Variants in KCNIP1 observed in about 807,000 individuals in gnomAD.
KCNIP1 encodes the protein A-type potassium channel modulatory protein KCNIP1.
A neutral mutation model predicts 33.0 loss-of-function variants in KCNIP1; 18 were observed. The ratio of observed to expected loss-of-function variants is 0.55; its 90% CI spans 0.38 to 0.81. KCNIP1 has a LOEUF of 0.81. KCNIP1 is among the 30% of genes least tolerant of loss of function. The pLI, the probability that KCNIP1 is intolerant of heterozygous loss-of-function variation, is 0.00. For synonymous variants in KCNIP1, 93 were observed against 98.3 expected, an observed-to-expected ratio of 0.95 and a Z score of 0.32; for missense variants, 238 against 271.6, an observed-to-expected ratio of 0.88 and a Z score of 0.87.
At chr5:170,524,686 TG>T (rs1437435172) in intron 1 of KCNIP1, among the ~76,000 whole-genome samples, 1 of 148,376 alleles carries the variant, frequency 6.7e-6, no homozygotes, top group Non-Finnish European at 1.5e-5. Flanking sequence ...AGGGGTGGTA[TG>T]GGGCGGGGCG....
In KCNIP1 at chr5:170,732,909, G is replaced by A. The variant is rs1764254486; in HGVS notation, c.540+5G>A. ...CATGTGGACGTCTTCTTCCAGGTAAGTGCACACACCCTGCACATGAGCTGT... is the reference window on the plus strand; with the variant it reads ...CATGTGGACGTCTTCTTCCAGGTAAATGCACACACCCTGCACATGAGCTGT... On this transcript the variant is annotated splice_donor_5th_base_variant and intron_variant, in intron 6 of 7. Coordinates refer to ENST00000328939, the MANE Select transcript of KCNIP1 (RefSeq NM_014592.4). 3 of 1,569,976 alleles carry A rather than the reference G, an allele frequency of 1.9e-6. No homozygotes were observed. Among genetic ancestry groups the A allele is most frequent in the Admixed American group, 1.7e-5 (1 of 59,928 alleles).
intron 1 of KCNIP1, among the ~76,000 whole-genome samples, chr5:170,712,460 A>G (rs1358167133): frequency 6.6e-6 from 1 of 152,236 alleles, no homozygotes; most frequent in Non-Finnish European, 1.5e-5. Flanking sequence ...AAAGAAGCAG[A>G]GAGGGGGAAT....
At chr5:170,672,959 A>G (rs1761980886) in intron 1 of KCNIP1, among the ~76,000 whole-genome samples, 1 of 152,264 alleles carries the variant, frequency 6.6e-6, no homozygotes, top group African/African-American at 2.4e-5. Context: ...GGTTGTTTTC[A>G]GAATCTATAG....
intron 1 of KCNIP1, among the ~76,000 whole-genome samples, chr5:170,470,532 C>T (rs567092085): frequency 5.9e-5 from 9 of 152,108 alleles, no homozygotes; most frequent in Non-Finnish European, 1.2e-4. Flanking sequence ...TATTGCAGGG[C>T]GCCAAGCAAG....
At chr5:170,617,716 G>A (rs1759440921) in intron 1 of KCNIP1, among the ~76,000 whole-genome samples, 4 of 152,140 alleles carry the variant, frequency 2.6e-5, no homozygotes, top group South Asian at 2.1e-4. Flanking sequence ...AAAAAACTCT[G>A]GGCTAACTTT....
intron 1 of KCNIP1, among the ~76,000 whole-genome samples, chr5:170,678,152 C>T (rs1762212328): frequency 6.6e-6 from 1 of 152,220 alleles, no homozygotes; most frequent in South Asian, 2.1e-4. Context: ...TCTGATGGAA[C>T]TGGGATGTGA....
At chr5:170,414,055 G>T (rs1236934000) in intron 1 of KCNIP1, among the ~76,000 whole-genome samples, 1 of 152,128 alleles carries the variant, frequency 6.6e-6, no homozygotes, top group Non-Finnish European at 1.5e-5. Flanking sequence ...TGGGCATGGA[G>T]TGTCAGGAGC....
At chr5:170,717,402 C>T (rs761998615) in intron 1 of KCNIP1, among the ~76,000 whole-genome samples, 1 of 152,158 alleles carries the variant, frequency 6.6e-6, no homozygotes, top group Admixed American at 6.6e-5. Context: ...GGCCACTTGT[C>T]TCTGTGGCGT....
intron 1 of KCNIP1, among the ~76,000 whole-genome samples, chr5:170,462,587 C>T (rs1756529036): frequency 6.6e-6 from 1 of 152,134 alleles, no homozygotes; most frequent in Non-Finnish European, 1.5e-5. Context: ...CCTTAAAGTA[C>T]TAAAAGTAGA....
At chr5:170,598,908 T>TGC (rs1252365241) in intron 1 of KCNIP1, among the ~76,000 whole-genome samples, 3 of 138,730 alleles carry the variant, frequency 2.2e-5, no homozygotes, top group Non-Finnish European at 4.9e-5. Flanking sequence ...TGTGCGCGTG[T>TGC]GTGTGTGTGT....
chr5:170,496,951 C>G (rs990284720), intron 1 of KCNIP1, among the ~76,000 whole-genome samples: 3 of 152,136 alleles, frequency 2.0e-5, no homozygotes, highest in Non-Finnish European at 4.4e-5. Context: ...GACCCCTGAT[C>G]TTGCCGAGTA....
intron 1 of KCNIP1, among the ~76,000 whole-genome samples, chr5:170,628,537 C>A (rs1581417480): frequency 6.6e-6 from 1 of 152,078 alleles, no homozygotes; most frequent in African/African-American, 2.4e-5. Context: ...CCTACAAGCC[C>A]CAGTGAGGAA....
chr5:170,542,611 T>C (rs1310916107), intron 1 of KCNIP1, among the ~76,000 whole-genome samples: 2 of 152,182 alleles, frequency 1.3e-5, no homozygotes, highest in African/African-American at 4.8e-5. Flanking sequence ...AGACCCCCCG[T>C]TGGCACCTGA....
intron 1 of KCNIP1, among the ~76,000 whole-genome samples, chr5:170,356,691 T>A (rs1303960783): frequency 6.6e-6 from 1 of 152,192 alleles, no homozygotes; most frequent in Non-Finnish European, 1.5e-5. Flanking sequence ...TGTGCATTTT[T>A]TTGCTCACCA....
intron 1 of KCNIP1, among the ~76,000 whole-genome samples, chr5:170,472,120 C>T (rs557612453): frequency 1.3e-5 from 2 of 152,284 alleles, no homozygotes; most frequent in East Asian, 3.9e-4. Context: ...GTCAGGAGAC[C>T]TGGGACTCAA....
At chr5:170,418,173 G>A (rs1755383275) in intron 1 of KCNIP1, among the ~76,000 whole-genome samples, 1 of 152,188 alleles carries the variant, frequency 6.6e-6, no homozygotes, top group Non-Finnish European at 1.5e-5. Context: ...GCTCATGCCT[G>A]TAATCCCAGC....
At chr5:170,551,355 A>T (rs1421427445) in intron 1 of KCNIP1, among the ~76,000 whole-genome samples, 1 of 152,044 alleles carries the variant, frequency 6.6e-6, no homozygotes, top group African/African-American at 2.4e-5. Context: ...ACCACATCTG[A>T]CCTACGGTTC....
chr5:170,467,832 C>T (rs573302702), intron 1 of KCNIP1, among the ~76,000 whole-genome samples: 1 of 146,650 alleles, frequency 6.8e-6, no homozygotes, highest in South Asian at 2.2e-4. Flanking sequence ...GCAGGAGAAT[C>T]GCTTGAACCC....
chr5:170,575,204 A>C (rs1169516861), intron 1 of KCNIP1, among the ~76,000 whole-genome samples: 2 of 152,214 alleles, frequency 1.3e-5, no homozygotes, highest in African/African-American at 4.8e-5. Flanking sequence ...ATTTGTGTTT[A>C]ATTTGGAAAT....
Sources: gnomAD v4.1 joint callset for allele counts (sites outside exome capture counted in the v4.1 genomes callset) on GRCh38, gnomAD v4.1.1 for gene constraint, MANE v1.5 for transcripts, NCBI Gene and HGNC (gene_info 2026-07-23, HGNC 2026-07-21) for gene names.